Variants in NEB observed in about 807,000 individuals in gnomAD.
NEB encodes the protein nebulin, also known as nemaline myopathy type 2.
In NEB, 512 loss-of-function variants were observed where a neutral mutation model predicts 952.2. The observed-to-expected ratio is 0.54, with a 90% CI of 0.50 to 0.58. NEB has a LOEUF of 0.58. NEB is among the 20% of genes least tolerant of loss of function. The pLI is 0.00. For synonymous variants in NEB, 2,900 were observed against 3,149.8 expected (o/e 0.92, Z 2.66); for missense variants, 8,428 against 9,231.1 (o/e 0.91, Z 3.56).
rs2062699853 is a variant in NEB at position 151,499,352 on chromosome 2, G to A, written c.24060C>T (p.Ile8020=). 1 of 1,546,844 alleles carries A rather than the reference G, an allele frequency of 6.5e-7. No homozygotes were observed. ...YKENVGKGIP[I]PITPEMERVK... is the part of the protein sequence containing the mutation. Reference sequence around the variant, plus strand: ...CTCTCTCCATCTCTGGAGTGATGGGGATTGGAATCCCTTTTCCAACGTTTT... The same window carrying A: ...CTCTCTCCATCTCTGGAGTGATGGGAATTGGAATCCCTTTTCCAACGTTTT... The change falls in exon 169 of 182, where the codon ATC becomes ATT. Residue 8020 remains isoleucine (I), a synonymous_variant. Coordinates refer to ENST00000397345, the MANE Select transcript of NEB (RefSeq NM_001164508.2).
intron 25 of NEB, 45 bp from the exon 26 acceptor site, chr2:151,687,778 T>C (rs537821059): frequency 2.0e-6 from 3 of 1,499,166 alleles, no homozygotes; most frequent in Admixed American, 3.9e-5. Flanking sequence ...AACAACAGTG[T>C]AATCCAGTAA....
At chr2:151,731,753 A>C (rs997853517) in intron 3 of NEB, among the ~76,000 whole-genome samples, 2 of 152,208 alleles carry the variant, frequency 1.3e-5, no homozygotes, top group Non-Finnish European at 2.9e-5. Context: ...AAGAAAGACA[A>C]GGGATATTTA....
Position 151,725,548 on chromosome 2 carries a change from C to G in NEB, c.307G>C (p.Glu103Gln), listed in dbSNP as rs372579696. Residue 103 changes from glutamate to glutamine, a missense_variant, in exon 6 of 182, where the codon GAG becomes CAG. Physicochemically the swap from Glu to Gln is conservative, Grantham distance 29. Coordinates refer to ENST00000397345, the MANE Select transcript of NEB (RefSeq NM_001164508.2). ...QDLFSPNKYK[E>Q]KFEKTKGQPY... ...TGTCCTTTTGTTTTCTCAAACTTCTCCTTGTATTTATTCTGAAAAGAATAT... is the reference window on the plus strand; with the variant it reads ...TGTCCTTTTGTTTTCTCAAACTTCTGCTTGTATTTATTCTGAAAAGAATAT... 24 of 1,613,022 alleles carry G rather than the reference C, an allele frequency of 1.5e-5. No individual in the cohort carries two copies. In the African/African-American group the frequency reaches 2.9e-4, roughly 20 times the overall value.
At chr2:151,726,601 G>A (rs548833828) in intron 5 of NEB, among the ~76,000 whole-genome samples, 1 of 152,274 alleles carries the variant, frequency 6.6e-6, no homozygotes, top group South Asian at 2.1e-4. Context: ...ATTGAAATGT[G>A]TCTGAATCTG....
In NEB at chr2:151,644,146, T is replaced by C; in HGVS notation, c.7645-17A>G. The C allele has an allele frequency of 6.2e-7, 1 of 1,605,144 alleles. No individual in the cohort carries two copies. The highest frequency in any genetic ancestry group is 8.5e-7 in the Non-Finnish European group (1 of 1,173,532). On this transcript the variant is annotated splice_polypyrimidine_tract_variant and intron_variant, in intron 56 of 181. Coordinates refer to ENST00000397345, the MANE Select transcript of NEB (RefSeq NM_001164508.2). ...GTACTTGTACTAGAGAAAAAAAATG[T>C]GTCTCATTCCTTTCAAAATTTACTT...
chr2:151,562,357 TC>T, intron 120 of NEB, 143 bp from the exon 121 acceptor site: 1 of 789,294 alleles, frequency 1.3e-6, no homozygotes, highest in East Asian at 2.5e-5. Context: ...GGTCTTTAAT[TC>T]CCAAGCCTAA....
intron 124 of NEB, among the ~76,000 whole-genome samples, chr2:151,557,209 A>T (rs1001683562): frequency 6.6e-6 from 1 of 152,244 alleles, no homozygotes; most frequent in African/African-American, 2.4e-5. Flanking sequence ...CCACAGAAAT[A>T]CAAACTACCA....
At chr2:151,568,292 C>G (rs765436271) in intron 112 of NEB, 24 bp downstream of exon 112, 8 of 1,607,448 alleles carry the variant, frequency 5.0e-6, no homozygotes, top group Non-Finnish European at 6.8e-6. Flanking sequence ...ACACAAACAC[C>G]AGGCATGTGG....
At chr2:151,641,083 T>C (rs1197151768) in intron 60 of NEB, among the ~76,000 whole-genome samples, 1 of 152,182 alleles carries the variant, frequency 6.6e-6, no homozygotes, top group Non-Finnish European at 1.5e-5. Flanking sequence ...GGCACAATTC[T>C]AGATAAGTAC....
At chr2:151,519,421 C>G (rs13391309) in intron 154 of NEB, among the ~76,000 whole-genome samples, 1 of 151,934 alleles carries the variant, frequency 6.6e-6, no homozygotes, top group Non-Finnish European at 1.5e-5. Context: ...CTCTCTAAAA[C>G]AGGCAAATGC....
At chr2:151,491,499 TA>T (rs1407000201) in intron 179 of NEB, 183 bp downstream of exon 179, 1 of 502,846 alleles carries the variant, frequency 2.0e-6, no homozygotes, top group African/African-American at 1.9e-5. Flanking sequence ...AAATTTTTTC[TA>T]ACTTGAACTT....
chr2:151,630,183 T>C (rs1397448196), intron 67 of NEB, among the ~76,000 whole-genome samples: 1 of 152,204 alleles, frequency 6.6e-6, no homozygotes, highest in African/African-American at 2.4e-5. Context: ...TAAATTTTGG[T>C]TGTATCATAT....
rs2099016739 is a variant in NEB, at chr2:151,650,279, C to T, written c.7328G>A (p.Ser2443Asn). Reference sequence around the variant, plus strand: ...TGGAGGCTGACGATATTTCTTCTCACTGATGATTTCCGAAGCCCGCTTGTT... The same window carrying T: ...TGGAGGCTGACGATATTTCTTCTCATTGATGATTTCCGAAGCCCGCTTGTT... ...EKNKRASEII[S>N]EKKYRQPPDR... The change falls in exon 54 of 182, where the codon AGT (serine) becomes AAT (asparagine). Residue 2443 changes from serine to asparagine, a missense_variant. Physicochemically the swap from Ser to Asn is conservative, Grantham distance 46. Coordinates refer to ENST00000397345, the MANE Select transcript of NEB (RefSeq NM_001164508.2). The T allele has an allele frequency of 6.2e-7, 1 of 1,613,912 alleles. No homozygotes were observed. Among genetic ancestry groups the T allele is most frequent in the African/African-American group, 1.3e-5 (1 of 75,042 alleles).
rs1178436916 is a variant in NEB, at chr2:151,668,946, A to G, written c.4611+81T>C. The G allele has an allele frequency of 8.4e-6, 9 of 1,077,452 alleles. No individual in the cohort carries two copies. The Admixed American group carries it at 8.5e-5, about 10-fold the overall frequency. 66.7% of individuals were successfully genotyped at this position (1,077,452 alleles called of 1,614,324 possible). A position where few individuals can be genotyped will look rare whatever the true frequency, so the allele number is the denominator to read the frequency against. The stretch of plus-strand genomic sequence containing the variant: ...GGGTCCACACTGAATTGCGCCCCCT[A>G]CAATTCTCAGAGCAAGAGTTGCAAA... On this transcript the variant is annotated intron_variant, in intron 39 of 181. Coordinates refer to ENST00000397345, the MANE Select transcript of NEB (RefSeq NM_001164508.2).
At position 151,518,941 on chromosome 2, in the gene NEB, T is replaced by C. The variant is rs755110823; in HGVS notation, c.22695+24A>G. On this transcript the variant is annotated intron_variant, in intron 155 of 181. Coordinates refer to ENST00000397345, the MANE Select transcript of NEB (RefSeq NM_001164508.2). ...TTCCAAATGGGTAAAACAAGCTGTTTCTGGAGCAAATGACTGAGCTTACAG... is the reference window on the plus strand; with the variant it reads ...TTCCAAATGGGTAAAACAAGCTGTTCCTGGAGCAAATGACTGAGCTTACAG... 3.9e-6 allele frequency: 6 copies of C among 1,545,170 alleles called. No homozygotes were observed. The African/African-American group carries it at 4.1e-5, about 11-fold the overall frequency.
At chr2:151,675,567 T>G (rs954812960) in intron 34 of NEB, among the ~76,000 whole-genome samples, 176 bp from the exon 35 acceptor site, 19 of 152,194 alleles carry the variant, frequency 1.2e-4, no homozygotes, top group African/African-American at 4.3e-4. Flanking sequence ...CAACAAGTCT[T>G]GTGTGTTAAA....
chr2:151,657,870 A>T, intron 48 of NEB, 113 bp downstream of exon 48: 1 of 753,936 alleles, frequency 1.3e-6, no homozygotes, highest in East Asian at 2.7e-5. Flanking sequence ...ATTCACAGAG[A>T]GTGAGACCCA....
intron 127 of NEB, 59 bp from the exon 128 acceptor site, chr2:151,552,835 G>A (rs182327414): frequency 7.9e-7 from 1 of 1,264,336 alleles, no homozygotes; most frequent in East Asian, 2.4e-5. Flanking sequence ...GAAACTGCTG[G>A]TTTTCACAGA....
In NEB at chr2:151,724,462, G is replaced by A. The variant is rs113556383; in HGVS notation, c.508-98C>T. 930 of 901,724 alleles carry A rather than the reference G, an allele frequency of 1.0e-3. 6 individuals carry two copies. In the African/African-American group the frequency reaches 0.012, roughly 11 times the overall value. 55.9% of individuals were successfully genotyped at this position (901,724 alleles called of 1,614,324 possible). A position where few individuals can be genotyped will look rare whatever the true frequency, so the allele number is the denominator to read the frequency against. ...AGACTCATGAAGGCATGCTTGCTCA[G>A]AGGTTGCCAATGGGTTACTAGGAAA... On this transcript the variant is annotated intron_variant, in intron 7 of 181. Coordinates refer to ENST00000397345, the MANE Select transcript of NEB (RefSeq NM_001164508.2).
Sources: allele counts gnomAD v4.1 joint callset (sites outside exome capture counted in the v4.1 genomes callset), GRCh38; gene constraint gnomAD v4.1.1; transcripts MANE v1.5; gene names NCBI Gene and HGNC (gene_info 2026-07-23, HGNC 2026-07-21).